The following INPP4B variants were observed in gnomAD, a reference collection of about 807,000 sequenced individuals.
INPP4B encodes inositol polyphosphate 4-phosphatase type II.
Under a neutral mutation model 122.5 loss-of-function variants are expected in INPP4B, and 55 were observed. The observed-to-expected ratio is 0.45, with a 90% CI of 0.36 to 0.56. The LOEUF is 0.56. Ranked by LOEUF, INPP4B falls within the 20% of genes least tolerant of loss-of-function variation. The pLI is 0.00. For missense variants in INPP4B, 1,000 were observed against 1,097.7 expected (o/e 0.91, Z 1.26); for synonymous variants, 403 against 388.7 (o/e 1.04, Z -0.43).
intron 7 of INPP4B, among the ~76,000 whole-genome samples, chr4:142,353,021 A>G (rs1782396722): frequency 6.6e-6 from 1 of 151,996 alleles, no homozygotes; most frequent in Non-Finnish European, 1.5e-5. Context: ...GTATTTTGGA[A>G]CATAGAAGCC....
intron 17 of INPP4B, among the ~76,000 whole-genome samples, chr4:142,154,073 C>T (rs946743939): frequency 6.6e-6 from 1 of 152,042 alleles, no homozygotes; most frequent in African/African-American, 2.4e-5. Context: ...CATTCAGTTG[C>T]CATATAGGGA....
intron 14 of INPP4B, among the ~76,000 whole-genome samples, chr4:142,207,644 A>C (rs769177989): frequency 6.6e-5 from 10 of 152,170 alleles, no homozygotes; most frequent in African/African-American, 9.7e-5. Context: ...TAAGAAGGAA[A>C]GGAAGCGAGG....
intron 9 of INPP4B, among the ~76,000 whole-genome samples, chr4:142,273,298 T>C (rs1053255115): frequency 3.3e-5 from 5 of 151,886 alleles, no homozygotes; most frequent in Admixed American, 2.6e-4. Context: ...GCTACTTTTA[T>C]TAATGTATTA....
At chr4:142,564,542 T>C (rs573516768) in intron 2 of INPP4B, among the ~76,000 whole-genome samples, 1 of 151,192 alleles carries the variant, frequency 6.6e-6, no homozygotes, top group East Asian at 2.0e-4. Context: ...CATAAATATC[T>C]TGGATTGAAG....
intron 7 of INPP4B, among the ~76,000 whole-genome samples, chr4:142,337,383 C>A (rs1238184597): frequency 1.3e-5 from 2 of 151,798 alleles, no homozygotes; most frequent in Non-Finnish European, 2.9e-5. Flanking sequence ...GGCTGGAATG[C>A]AAAACTGTTT....
chr4:142,063,001 T>C (rs541309647), intron 25 of INPP4B, among the ~76,000 whole-genome samples: 1 of 152,170 alleles, frequency 6.6e-6, no homozygotes, highest in Non-Finnish European at 1.5e-5. Context: ...ATACTGAACC[T>C]TGAATTTAGA....
chr4:142,377,833 C>G (rs1579894797), intron 7 of INPP4B, among the ~76,000 whole-genome samples: 1 of 151,992 alleles, frequency 6.6e-6, no homozygotes, highest in Admixed American at 6.6e-5. Context: ...CAAATTCAAA[C>G]AACCCTGGTG....
chr4:142,561,866 C>T (rs1383015406), intron 2 of INPP4B, among the ~76,000 whole-genome samples: 1 of 152,082 alleles, frequency 6.6e-6, no homozygotes, highest in Non-Finnish European at 1.5e-5. Context: ...TATGTGCGCA[C>T]TGTAAAAAAG....
At chr4:142,618,073 T>A (rs1744090112) in intron 2 of INPP4B, among the ~76,000 whole-genome samples, 1 of 152,178 alleles carries the variant, frequency 6.6e-6, no homozygotes, top group Non-Finnish European at 1.5e-5. Flanking sequence ...TTTATATACT[T>A]CATGTGCTAT....
intron 3 of INPP4B, among the ~76,000 whole-genome samples, chr4:142,446,162 T>C (rs1812873253): frequency 6.6e-6 from 1 of 151,888 alleles, no homozygotes. Flanking sequence ...TAAACATAGC[T>C]GATGAAGATT....
At chr4:142,300,275 C>A (rs1323802392) in intron 9 of INPP4B, among the ~76,000 whole-genome samples, 1 of 152,136 alleles carries the variant, frequency 6.6e-6, no homozygotes, top group African/African-American at 2.4e-5. Context: ...ATCACTCTGA[C>A]TATGCTTGTA....
intron 2 of INPP4B, among the ~76,000 whole-genome samples, chr4:142,695,221 A>G (rs952601646): frequency 2.6e-5 from 4 of 152,162 alleles, no homozygotes; most frequent in Non-Finnish European, 5.9e-5. Context: ...AGAATAGCAT[A>G]AAGATAATAA....
intron 23 of INPP4B, among the ~76,000 whole-genome samples, chr4:142,088,655 T>C (rs573666714): frequency 6.6e-6 from 1 of 152,328 alleles, no homozygotes; most frequent in Non-Finnish European, 1.5e-5. Context: ...TGCCTTTTCA[T>C]ATCATTTTAA....
chr4:142,752,695 A>G (rs1021185715), intron 1 of INPP4B, among the ~76,000 whole-genome samples: 7 of 152,060 alleles, frequency 4.6e-5, no homozygotes, highest in Non-Finnish European at 8.8e-5. Context: ...AATTCTTCAC[A>G]TAGCATCGTA....
At chr4:142,438,623 A>G (rs1811043954) in intron 3 of INPP4B, among the ~76,000 whole-genome samples, 1 of 152,208 alleles carries the variant, frequency 6.6e-6, no homozygotes, top group East Asian at 1.9e-4. Context: ...AGGAAATACC[A>G]TTCAGGACAT....
At chr4:142,649,198 C>T (rs931101200) in intron 2 of INPP4B, among the ~76,000 whole-genome samples, 2 of 152,172 alleles carry the variant, frequency 1.3e-5, no homozygotes, top group Non-Finnish European at 2.9e-5. Flanking sequence ...GACATCTACA[C>T]CAAAACCCCA....
chr4:142,489,283 T>G (rs766116597), intron 2 of INPP4B, among the ~76,000 whole-genome samples: 2 of 152,190 alleles, frequency 1.3e-5, no homozygotes, highest in African/African-American at 2.4e-5. Context: ...CAGCATGTGC[T>G]CTATTTTGGT....
chr4:142,196,146 G>GT (rs938180518), intron 14 of INPP4B, among the ~76,000 whole-genome samples: 7 of 152,248 alleles, frequency 4.6e-5, no homozygotes, highest in African/African-American at 1.7e-4. Flanking sequence ...AGGAGTTTGT[G>GT]TTTTTTTAGA....
At chr4:142,524,119 T>C (rs1272954658) in intron 2 of INPP4B, among the ~76,000 whole-genome samples, 3 of 151,790 alleles carry the variant, frequency 2.0e-5, no homozygotes, top group South Asian at 2.1e-4. Flanking sequence ...AATAAACATA[T>C]GTGTGCATGT....
Sources: gnomAD v4.1 joint callset for allele counts (sites outside exome capture counted in the v4.1 genomes callset) on GRCh38, gnomAD v4.1.1 for gene constraint, MANE v1.5 for transcripts, NCBI Gene and HGNC (gene_info 2026-07-23, HGNC 2026-07-21) for gene names.